The following DLGAP1 variants were observed in gnomAD, a reference collection of about 807,000 sequenced individuals.
The protein encoded by DLGAP1 is DLG associated protein 1, also known as disks large-associated protein 1.
DLGAP1 carries 11 observed loss-of-function variants against 90.8 expected under a neutral mutation model. The observed-to-expected ratio is 0.12, with a 90% confidence interval of 0.08 to 0.20. DLGAP1 has a LOEUF of 0.20. DLGAP1 is among the 10% of genes least tolerant of loss of function. The pLI is 1.00. For missense variants in DLGAP1, 1,050 were observed against 1,333.8 expected (o/e 0.79, Z 3.31); for synonymous variants, 558 against 540.7 (o/e 1.03, Z -0.44).
At chr18:3,583,875 G>C (rs515927) in intron 7 of DLGAP1, among the ~76,000 whole-genome samples, 4,677 of 152,214 alleles carry the variant, frequency 0.031, 75 homozygotes, top group Middle Eastern at 0.051. Context: ...TTGAACCTGG[G>C]GGGAGGAGGT....
At chr18:3,657,288 C>G (rs1599755002) in intron 7 of DLGAP1, among the ~76,000 whole-genome samples, 1 of 152,158 alleles carries the variant, frequency 6.6e-6, no homozygotes. Context: ...ACTGGTAAAT[C>G]AAATTGGTAT....
At chr18:4,134,581 AT>A (rs1261764376) in intron 2 of DLGAP1, among the ~76,000 whole-genome samples, 1 of 152,196 alleles carries the variant, frequency 6.6e-6, no homozygotes, top group East Asian at 1.9e-4. Context: ...TTTTTCTTAA[AT>A]AAAAATGGAT....
intron 2 of DLGAP1, among the ~76,000 whole-genome samples, chr18:4,038,315 C>T (rs987974631): frequency 2.0e-5 from 3 of 152,126 alleles, no homozygotes; most frequent in African/African-American, 7.2e-5. Context: ...TTTAATAACC[C>T]ACATTCATAT....
intron 1 of DLGAP1, among the ~76,000 whole-genome samples, chr18:4,446,594 G>C (rs2083674051): frequency 6.6e-6 from 1 of 152,130 alleles, no homozygotes; most frequent in Non-Finnish European, 1.5e-5. Context: ...GGATATAAAA[G>C]TCTTGAAGAA....
chr18:3,820,631 T>C (rs9948970), intron 4 of DLGAP1, among the ~76,000 whole-genome samples: 1,806 of 152,218 alleles, frequency 0.012, 50 homozygotes, highest in African/African-American at 0.041. Flanking sequence ...TTTCCTGTGC[T>C]TGAAAAGGAA....
At chr18:4,117,815 G>A (rs2076086935) in intron 2 of DLGAP1, among the ~76,000 whole-genome samples, 1 of 152,152 alleles carries the variant, frequency 6.6e-6, no homozygotes, top group African/African-American at 2.4e-5. Context: ...GCTTTCCTAG[G>A]AGTTGCCTCT....
At chr18:3,954,931 T>A (rs940524087) in intron 3 of DLGAP1, among the ~76,000 whole-genome samples, 2 of 152,142 alleles carry the variant, frequency 1.3e-5, no homozygotes, top group Admixed American at 1.3e-4. Flanking sequence ...ACTCTCTGAA[T>A]TTAGAAGACA....
At chr18:4,032,050 G>A (rs181097766) in intron 2 of DLGAP1, among the ~76,000 whole-genome samples, 118 of 152,108 alleles carry the variant, frequency 7.8e-4, no homozygotes, top group African/African-American at 2.7e-3. Context: ...CACATTGCAA[G>A]GAATAAAATA....
chr18:4,256,448 T>A (rs1439606780), intron 1 of DLGAP1, among the ~76,000 whole-genome samples: 1 of 152,184 alleles, frequency 6.6e-6, no homozygotes, highest in East Asian at 1.9e-4. Flanking sequence ...TACCTCCGTA[T>A]ATAAGTTCTC....
chr18:3,904,857 A>T (rs2071861584), intron 3 of DLGAP1, among the ~76,000 whole-genome samples: 1 of 152,140 alleles, frequency 6.6e-6, no homozygotes, highest in African/African-American at 2.4e-5. Context: ...TACATCTTGT[A>T]CATAAAATAT....
intron 7 of DLGAP1, chr18:3,656,066 G>A (rs2059473073): frequency 1.3e-6 from 2 of 1,538,480 alleles, no homozygotes; most frequent in Non-Finnish European, 1.8e-6. Flanking sequence ...TATTGATTTT[G>A]TGGTTGTAAA....
At chr18:4,240,670 A>T (rs1784712171) in intron 1 of DLGAP1, among the ~76,000 whole-genome samples, 1 of 152,224 alleles carries the variant, frequency 6.6e-6, no homozygotes, top group African/African-American at 2.4e-5. Flanking sequence ...TCACATAATC[A>T]GAGCCTTTTG....
chr18:4,274,033 T>C (rs999701946), intron 1 of DLGAP1, among the ~76,000 whole-genome samples: 1 of 152,048 alleles, frequency 6.6e-6, no homozygotes, highest in Non-Finnish European at 1.5e-5. Flanking sequence ...CTCAAATCTT[T>C]ATTATTTGTT....
intron 7 of DLGAP1, among the ~76,000 whole-genome samples, chr18:3,665,005 C>G (rs908718151): frequency 6.6e-6 from 1 of 152,096 alleles, no homozygotes; most frequent in African/African-American, 2.4e-5. Flanking sequence ...TTGTCTGTGA[C>G]GGCAGCTAAG....
chr18:4,061,981 A>C (rs1438222923), intron 2 of DLGAP1, among the ~76,000 whole-genome samples: 1 of 152,138 alleles, frequency 6.6e-6, no homozygotes, highest in African/African-American at 2.4e-5. Flanking sequence ...ATGGAGAGGA[A>C]AGAACTTCTA....
At chr18:3,913,218 G>A (rs2072073063) in intron 3 of DLGAP1, among the ~76,000 whole-genome samples, 1 of 152,128 alleles carries the variant, frequency 6.6e-6, no homozygotes, top group African/African-American at 2.4e-5. Context: ...AGCCTCCTGA[G>A]TAGCTGGGAC....
chr18:3,862,360 T>G (rs1210804215), intron 4 of DLGAP1, among the ~76,000 whole-genome samples: 1 of 152,176 alleles, frequency 6.6e-6, no homozygotes, highest in Non-Finnish European at 1.5e-5. Context: ...CAAGTAAATG[T>G]GAGGAGAAGA....
intron 9 of DLGAP1, among the ~76,000 whole-genome samples, chr18:3,554,724 G>A (rs1245260586): frequency 6.6e-6 from 1 of 152,064 alleles, no homozygotes; most frequent in African/African-American, 2.4e-5. Context: ...ACTTCTTTTT[G>A]TTTTGATTTG....
At chr18:3,789,301 A>T (rs1043844634) in intron 5 of DLGAP1, among the ~76,000 whole-genome samples, 5 of 152,262 alleles carry the variant, frequency 3.3e-5, no homozygotes, top group African/African-American at 1.2e-4. Flanking sequence ...ACAGAGAGGA[A>T]AGAACAAGTA....
Sources: allele counts gnomAD v4.1 joint callset (sites outside exome capture counted in the v4.1 genomes callset), GRCh38; gene constraint gnomAD v4.1.1; transcripts MANE v1.5; gene names NCBI Gene and HGNC (gene_info 2026-07-23, HGNC 2026-07-21).